ZNF836: variants seen among roughly 807,000 people sequenced by gnomAD.
ZNF836 encodes the protein zinc finger protein 836.
In ZNF836, 12 loss-of-function variants were observed where a neutral mutation model predicts 7.4. The observed-to-expected ratio is 1.61, with a 90% CI of 1.03 to 2.61. The LOEUF is 2.61. Among genes scored for constraint, ZNF836 ranks in the 30% most tolerant of loss-of-function variants. The probability of loss-of-function intolerance (pLI) is 0.00; values close to 1 mark genes in which losing one functional copy is unlikely to be tolerated. For missense variants in ZNF836, 998 were observed against 1,126.2 expected (o/e 0.89, Z 1.63); for synonymous variants, 365 against 382.6 (o/e 0.95, Z 0.54).
chr19:52,162,952 C>T (rs959372092), intron 3 of ZNF836, among the ~76,000 whole-genome samples: 4 of 152,146 alleles, frequency 2.6e-5, no homozygotes, highest in Non-Finnish European at 5.9e-5. Flanking sequence ...CAGTGTGTGC[C>T]CTCTGGAGTG....
chr19:52,162,915 G>A (rs918111402), intron 3 of ZNF836, among the ~76,000 whole-genome samples: 3 of 152,282 alleles, frequency 2.0e-5, no homozygotes, highest in African/African-American at 4.8e-5. Context: ...AGTTGATCAC[G>A]ATCCCTTTGG....
In ZNF836 at chr19:52,154,570, G is replaced by A. The variant is rs147370490; in HGVS notation, c.*302C>T. On this transcript the variant is annotated 3_prime_UTR_variant, in exon 5 of 5. Transcript: ENST00000682614. Reference sequence around the variant, plus strand: ...GCTACTCAGGGAGACTGAGGCAGGAGAATCACTTGAACCTGGGAGGCAGAG... The same window carrying A: ...GCTACTCAGGGAGACTGAGGCAGGAAAATCACTTGAACCTGGGAGGCAGAG... The A allele has an allele frequency of 6.1e-5, 12 of 195,426 alleles. No individual in the cohort carries two copies. The South Asian group carries it at 1.5e-3, about 24-fold the overall frequency. The allele number at this position is 195,426 out of a possible 1,614,324, so 12.1% of individuals were successfully genotyped here. A position where few individuals can be genotyped will look rare whatever the true frequency, so the allele number is the denominator to read the frequency against.
chr19:52,163,208 C>T (rs2089229462), intron 3 of ZNF836, among the ~76,000 whole-genome samples: 2 of 152,192 alleles, frequency 1.3e-5, no homozygotes, highest in Non-Finnish European at 2.9e-5. Context: ...ATAATCAGGT[C>T]CTGGCTTACT....
At chr19:52,164,736 T>A (rs1052753180) in intron 3 of ZNF836, among the ~76,000 whole-genome samples, 8 of 152,170 alleles carry the variant, frequency 5.3e-5, no homozygotes, top group Non-Finnish European at 1.0e-4. Flanking sequence ...ATAAATAATG[T>A]GAATATATAT....
intron 3 of ZNF836, 149 bp downstream of exon 3, chr19:52,167,909 T>G: frequency 4.4e-6 from 3 of 683,168 alleles, no homozygotes; most frequent in Non-Finnish European, 5.3e-6. Context: ...AGAAGCTAAA[T>G]GAGATGAGAG....
intron 1 of ZNF836, chr19:52,170,416 C>T (rs1200155977): frequency 6.5e-6 from 1 of 152,742 alleles, no homozygotes; most frequent in African/African-American, 2.4e-5. Flanking sequence ...AGGCTTCCTC[C>T]CTGCTGTGGT....
At chr19:52,168,266 G>A in intron 2 of ZNF836, 114 bp from the exon 3 acceptor site, 5 of 610,220 alleles carry the variant, frequency 8.2e-6, no homozygotes, top group South Asian at 4.6e-5. Flanking sequence ...ACTGCACCAG[G>A]GGGATGCAAG....
intron 4 of ZNF836, chr19:52,160,237 G>A: frequency 1.7e-6 from 1 of 586,232 alleles, no homozygotes; most frequent in Non-Finnish European, 3.0e-6. Flanking sequence ...ACTTAAATAT[G>A]GGAATTCTAC....
chr19:52,166,067 C>CT (rs1312478187), intron 3 of ZNF836, among the ~76,000 whole-genome samples: 1 of 152,114 alleles, frequency 6.6e-6, no homozygotes, highest in Admixed American at 6.6e-5. Flanking sequence ...TCTCAGCTCA[C>CT]TGCAACCTCT....
At chr19:52,163,417 G>A (rs1379810241) in intron 3 of ZNF836, among the ~76,000 whole-genome samples, 1 of 152,160 alleles carries the variant, frequency 6.6e-6, no homozygotes, top group East Asian at 1.9e-4. Context: ...AAGCCATGCA[G>A]CAACCTGAAC....
In ZNF836 at chr19:52,155,364, A is replaced by T; in HGVS notation, c.2319T>A (p.Thr773=). The T allele has an allele frequency of 1.2e-6, 2 of 1,614,052 alleles. No homozygotes were observed. The highest frequency in any genetic ancestry group is 1.7e-6 in the Non-Finnish European group (2 of 1,180,004). The change falls in exon 5 of 5, where the codon ACT becomes ACA. Residue 773 remains threonine, a synonymous_variant. Transcript: ENST00000682614. ...SNLARHRRIH[T]GEKPYKCNEC... The stretch of plus-strand genomic sequence containing the variant: ...CATTACATTTGTAAGGTTTCTCTCC[A>T]GTGTGAATTCTCCGATGCCTTGCAA...
chr19:52,164,483 A>AAG (rs746165941), intron 3 of ZNF836, among the ~76,000 whole-genome samples: 1 of 96,436 alleles, frequency 1.0e-5, no homozygotes, highest in African/African-American at 4.5e-5. Flanking sequence ...GAAGGAAAGA[A>AAG]AGAGAAAGAA....
rs1295926688 is a variant in ZNF836, at chr19:52,156,251, C to G, written c.1432G>C (p.Val478Leu). The stretch of plus-strand genomic sequence containing the variant: ...ACAAGATGTGAAGTCTGACTGAAGA[C>G]CTTGCCACATTCATTGCATTTGTAA... ...KPYKCNECGK[V>L]FSQTSHLVGH... The change falls in exon 5 of 5, where the codon GTC becomes CTC. Residue 478 changes from valine to leucine, a missense_variant. Physicochemically the swap from Val to Leu is conservative, Grantham distance 32. Coordinates refer to ENST00000682614, the MANE Select transcript of ZNF836 (RefSeq NM_001102657.3). 4 of 1,614,052 alleles carry G rather than the reference C, an allele frequency of 2.5e-6. No homozygotes were observed. In the Admixed American group the frequency reaches 5.0e-5, roughly 20 times the overall value.
intron 2 of ZNF836, among the ~76,000 whole-genome samples, chr19:52,169,229 A>G (rs886753381): frequency 6.6e-6 from 1 of 152,254 alleles, no homozygotes; most frequent in Non-Finnish European, 1.5e-5. Flanking sequence ...GCAGATATTG[A>G]ATAAACTAAC....
chr19:52,163,407 A>G (rs2089231109), intron 3 of ZNF836, among the ~76,000 whole-genome samples: 1 of 152,226 alleles, frequency 6.6e-6, no homozygotes, highest in Non-Finnish European at 1.5e-5. Flanking sequence ...CAGGTCAGAG[A>G]AGCCATGCAG....
chr19:52,163,887 A>T (rs2089236155), intron 3 of ZNF836, among the ~76,000 whole-genome samples: 1 of 152,142 alleles, frequency 6.6e-6, no homozygotes, highest in Non-Finnish European at 1.5e-5. Context: ...TTAGGAGATG[A>T]CAAGCAAAGG....
intron 3 of ZNF836, among the ~76,000 whole-genome samples, 176 bp downstream of exon 3, chr19:52,167,881 AC>A (rs1312124884): frequency 2.6e-5 from 4 of 152,052 alleles, no homozygotes; most frequent in Non-Finnish European, 5.9e-5. Context: ...AGTTAATGTC[AC>A]TGGGTCGCAG....
In ZNF836 at chr19:52,155,455, C is replaced by T. The variant is rs778434339; in HGVS notation, c.2228G>A (p.Arg743Lys). The T allele has an allele frequency of 9.9e-6, 16 of 1,613,838 alleles. No homozygotes were observed. The highest frequency in any genetic ancestry group is 1.7e-5 in the Admixed American group (1 of 59,988). Residue 743 changes from arginine to lysine, a missense_variant, in exon 5 of 5, where the codon AGG (arginine) becomes AAG (lysine). Coordinates refer to ENST00000682614, the MANE Select transcript of ZNF836 (RefSeq NM_001102657.3). ...TTTGTATGGCATCTCTCCAGTATGC[C>T]TTCTCTGATGGTACGTCAGGCCTGT... ...HITGLTYHQR[R>K]HTGEMPYKCI... is the part of the protein sequence containing the mutation.
chr19:52,160,573 C>T lies in ZNF836; in HGVS notation c.34G>A (p.Asp12Asn). Reference sequence around the variant, plus strand: ...TCCTGAGAGAATTCTATGGCTACATCCCTGAATGTCAAAGGTCCCTGAAAT... The same window carrying T: ...TCCTGAGAGAATTCTATGGCTACATTCCTGAATGTCAAAGGTCCCTGAAAT... ...ALTQGPLTFR[D>N]VAIEFSQEEW... The change falls in exon 4 of 5, where the codon GAT (aspartate) becomes AAT (asparagine). Residue 12 changes from aspartate (D) to asparagine (N), a missense_variant. Physicochemically the swap from Asp to Asn is conservative, Grantham distance 23. Transcript: ENST00000682614. 2 of 1,609,682 alleles carry T rather than the reference C, an allele frequency of 1.2e-6. No individual in the cohort carries two copies. Among genetic ancestry groups the T allele is most frequent in the Non-Finnish European group, 1.7e-6 (2 of 1,178,960 alleles).
Sources: allele counts gnomAD v4.1 joint callset (sites outside exome capture counted in the v4.1 genomes callset), GRCh38; gene constraint gnomAD v4.1.1; transcripts MANE v1.5; gene names NCBI Gene and HGNC (gene_info 2026-07-23, HGNC 2026-07-21).